Variants in FAM120C observed in about 807,000 individuals in gnomAD.
The protein encoded by FAM120C is constitutive coactivator of PPAR-gamma-like protein 2.
FAM120C carries 14 observed loss-of-function variants against 71.2 expected under a neutral mutation model. The observed-to-expected ratio is 0.20, with a 90% CI of 0.13 to 0.31. The LOEUF (loss-of-function observed/expected upper bound fraction) is 0.31, where lower values mean the gene tolerates loss of function less well. FAM120C is among the 10% of genes least tolerant of loss of function. The pLI is 1.00. For synonymous variants in FAM120C, 354 were observed against 353.2 expected, an observed-to-expected ratio of 1.00 and a Z score of -0.03; for missense variants, 500 against 879.0, an observed-to-expected ratio of 0.57 and a Z score of 5.45.
chrX:54,160,782 C>T (rs2067232561), intron 1 of FAM120C, among the ~76,000 whole-genome samples: 1 of 111,348 alleles, frequency 9.0e-6, no homozygotes, highest in Admixed American at 9.6e-5. Context: ...CCTATTATTA[C>T]TATCCCCATT....
At chrX:54,138,274 G>A (rs923956497) in intron 4 of FAM120C, among the ~76,000 whole-genome samples, 4 of 109,964 alleles carry the variant, frequency 3.6e-5, no homozygotes, top group African/African-American at 1.3e-4. Context: ...GCTGAGGCAG[G>A]CAGATCACTT....
intron 8 of FAM120C, 33 bp downstream of exon 8, chrX:54,133,740 A>T (rs2067079888): frequency 1.7e-6 from 2 of 1,193,750 alleles, no homozygotes; most frequent in African/African-American, 3.5e-5. Context: ...CAGTGTTAAG[A>T]GCAGGGAGGT....
At chrX:54,141,262 TACTC>T (rs1211986148) in intron 4 of FAM120C, among the ~76,000 whole-genome samples, 1 of 110,769 alleles carries the variant, frequency 9.0e-6, no homozygotes, top group Non-Finnish European at 1.9e-5. Context: ...AATGCAAAAA[TACTC>T]AATGAAATAC....
chrX:54,095,650 A>G (rs1276213828), intron 10 of FAM120C, among the ~76,000 whole-genome samples: 1 of 107,660 alleles, frequency 9.3e-6, no homozygotes, highest in African/African-American at 3.4e-5. Flanking sequence ...CCCAGCCCAC[A>G]TCTTTTTTTT....
chrX:54,175,439 C>T (rs1232120846), intron 1 of FAM120C, among the ~76,000 whole-genome samples: 1 of 110,675 alleles, frequency 9.0e-6, no homozygotes, highest in Non-Finnish European at 1.9e-5. Flanking sequence ...CCATGGCATG[C>T]CATGCTAAGC....
At chrX:54,159,781 TA>T (rs1569533520) in intron 1 of FAM120C, among the ~76,000 whole-genome samples, 165 bp from the exon 2 acceptor site, 1 of 105,087 alleles carries the variant, frequency 9.5e-6, no homozygotes. Flanking sequence ...TTTTTTTTTT[TA>T]AATACAGAGA....
At chrX:54,085,635 C>A (rs1280907697) in intron 13 of FAM120C, 80 bp downstream of exon 13, 1 of 925,831 alleles carries the variant, frequency 1.1e-6, no homozygotes, top group Non-Finnish European at 1.5e-6. Flanking sequence ...AACTGTTGAT[C>A]CTGTTATTGA....
chrX:54,177,416 G>A (rs782186022), intron 1 of FAM120C, among the ~76,000 whole-genome samples: 1 of 111,217 alleles, frequency 9.0e-6, no homozygotes, highest in African/African-American at 3.3e-5. Context: ...GGACTCAGGA[G>A]ACATTTCTGA....
In FAM120C at chrX:54,151,388, T is replaced by A; in HGVS notation, c.1030-15A>T. 8.3e-7 allele frequency: 1 copy of A among 1,201,665 alleles called. No homozygotes were observed. Among genetic ancestry groups the A allele is most frequent in the Non-Finnish European group, 1.1e-6 (1 of 891,243 alleles). On this transcript the variant is annotated splice_polypyrimidine_tract_variant and intron_variant, in intron 3 of 15. Transcript: ENST00000375180. ...TGAGCTCGAACCTAGAAAGGCAAGA[T>A]AAGCAAGGGACACTGACATCAAAGA...
intron 10 of FAM120C, among the ~76,000 whole-genome samples, chrX:54,106,076 A>G (rs2066905553): frequency 8.9e-6 from 1 of 111,911 alleles, no homozygotes; most frequent in Non-Finnish European, 1.9e-5. Flanking sequence ...TTTCATATGG[A>G]ACCAAAAAGG....
In FAM120C at chrX:54,165,349, T is replaced by C. The variant is rs782285562; in HGVS notation, c.700-5733A>G. On this transcript the variant is annotated intron_variant, in intron 1 of 15. Transcript: ENST00000375180. The stretch of plus-strand genomic sequence containing the variant: ...CCCCTTCCCTTTATTTATATGCCAT[T>C]TATTTGTTTAAAAAATCCAGTTTTT... Among the ~76,000 whole-genome samples the C allele has an allele frequency of 6.2e-5, 7 of 112,041 alleles. No individual in the cohort carries two copies. The South Asian group carries it at 2.6e-3, about 41-fold the overall frequency.
At chrX:54,113,121 G>C (rs1158524684) in intron 10 of FAM120C, among the ~76,000 whole-genome samples, 6 of 111,232 alleles carry the variant, frequency 5.4e-5, no homozygotes, top group African/African-American at 2.0e-4. Flanking sequence ...AGAAAACCTA[G>C]AAAAAACTGT....
Position 54,071,154 on chromosome X carries a change from A to G in FAM120C, c.*1879T>C, listed in dbSNP as rs2066707085. The G allele has an allele frequency of 1.8e-5, 2 of 112,435 alleles. No homozygotes were observed. The highest frequency in any genetic ancestry group is 7.4e-4 in the South Asian group (2 of 2,714). 9.3% of individuals were successfully genotyped at this position (112,435 alleles called of 1,213,427 possible). A position where few individuals can be genotyped will look rare whatever the true frequency, so the allele number is the denominator to read the frequency against. On this transcript the variant is annotated 3_prime_UTR_variant, in exon 16 of 16. Coordinates refer to ENST00000375180, the MANE Select transcript of FAM120C (RefSeq NM_017848.6). ...ATGAGGCTGGAAGCCTCAATTCCTG[A>G]ATGAAGACACAATGCTAATTTATTG...
At chrX:54,106,355 A>G (rs1434267658) in intron 10 of FAM120C, among the ~76,000 whole-genome samples, 1 of 112,151 alleles carries the variant, frequency 8.9e-6, no homozygotes, top group Admixed American at 9.6e-5. Context: ...CTGGCTAGCC[A>G]TATGTAGAAA....
chrX:54,154,137 T>C (rs1305805893), intron 3 of FAM120C, among the ~76,000 whole-genome samples: 3 of 109,255 alleles, frequency 2.7e-5, no homozygotes, highest in African/African-American at 6.7e-5. Context: ...TAGTAAGCTA[T>C]TATAATAATC....
chrX:54,073,433 C>T, intron 15 of FAM120C, 146 bp from the exon 16 acceptor site: 2 of 418,974 alleles, frequency 4.8e-6, no homozygotes, highest in Non-Finnish European at 7.5e-6. Context: ...CTAGTACAAT[C>T]TTTTTTTTTT....
At chrX:54,175,312 C>T (rs782008051) in intron 1 of FAM120C, among the ~76,000 whole-genome samples, 2 of 110,873 alleles carry the variant, frequency 1.8e-5, no homozygotes, top group Non-Finnish European at 3.8e-5. Context: ...GTACTTAGCA[C>T]AGTGTCTGGC....
At chrX:54,081,551 T>A (rs1652949413) in intron 13 of FAM120C, 91 bp from the exon 14 acceptor site, 1 of 994,985 alleles carries the variant, frequency 1.0e-6, no homozygotes, top group Admixed American at 3.2e-5. Context: ...TCGGGCGGAT[T>A]ACTTGAAGTC....
intron 13 of FAM120C, among the ~76,000 whole-genome samples, chrX:54,083,136 G>GC (rs2066775209): frequency 9.3e-6 from 1 of 107,202 alleles, no homozygotes; most frequent in South Asian, 4.0e-4. Context: ...AAAAAAAAAA[G>GC]CAAGAACAGC....
Sources: gnomAD v4.1 joint callset for allele counts (sites outside exome capture counted in the v4.1 genomes callset) on GRCh38, gnomAD v4.1.1 for gene constraint, MANE v1.5 for transcripts, NCBI Gene and HGNC (gene_info 2026-07-23, HGNC 2026-07-21) for gene names.